Variants in ARHGEF10 observed in about 807,000 individuals in gnomAD.
The protein encoded by ARHGEF10 is Rho guanine nucleotide exchange factor (GEF) 10.
Under a neutral mutation model 147.4 loss-of-function variants are expected in ARHGEF10, and 140 were observed. The observed-to-expected ratio is 0.95, with a 90% CI of 0.83 to 1.09. The LOEUF is 1.09. Among genes scored for constraint, ARHGEF10 ranks in the 50% least tolerant of loss-of-function variants. The pLI is 0.00. For missense variants in ARHGEF10, 2,222 were observed against 1,752.7 expected, an observed-to-expected ratio of 1.27 and a Z score of -4.78; for synonymous variants, 902 against 695.8, an observed-to-expected ratio of 1.30 and a Z score of -4.67.
chr8:1,938,056 G>C (rs945764046), intron 26 of ARHGEF10, among the ~76,000 whole-genome samples: 9 of 152,202 alleles, frequency 5.9e-5, no homozygotes, highest in African/African-American at 1.7e-4. Flanking sequence ...GCACCCACCT[G>C]TCTGTCAGGG....
At chr8:1,871,664 A>G (rs1807139150) in intron 7 of ARHGEF10, among the ~76,000 whole-genome samples, 1 of 152,122 alleles carries the variant, frequency 6.6e-6, no homozygotes, top group Non-Finnish European at 1.5e-5. Context: ...CTAAAAGTAC[A>G]AAAATTAGCC....
chr8:1,898,904 A>G lies in ARHGEF10; in HGVS notation c.1650+379A>G, dbSNP rs1339898692. ...TCTCCAGTGTGTCTGTGTCTGGTCT[A>G]GGATCACATGAAAAATGATTCTCGC... On this transcript the variant is annotated intron_variant, in intron 15 of 28. Transcript: ENST00000349830. Among the ~76,000 whole-genome samples, 3 of 152,334 alleles carry G rather than the reference A, an allele frequency of 2.0e-5. No homozygotes were observed. In the East Asian group the frequency reaches 5.8e-4, roughly 30 times the overall value.
At chr8:1,882,191 G>C (rs1808258244) in intron 9 of ARHGEF10, among the ~76,000 whole-genome samples, 3 of 152,232 alleles carry the variant, frequency 2.0e-5, no homozygotes, top group Non-Finnish European at 4.4e-5. Context: ...CCATGCGTGT[G>C]AGGCGGCCCT....
At chr8:1,873,935 A>G (rs1807411034) in intron 7 of ARHGEF10, among the ~76,000 whole-genome samples, 1 of 152,038 alleles carries the variant, frequency 6.6e-6, no homozygotes, top group Non-Finnish European at 1.5e-5. Context: ...ACTGAGTGGC[A>G]TTAGGTACGC....
At chr8:1,874,001 C>A (rs1807418219) in intron 7 of ARHGEF10, among the ~76,000 whole-genome samples, 1 of 152,126 alleles carries the variant, frequency 6.6e-6, no homozygotes, top group Non-Finnish European at 1.5e-5. Flanking sequence ...GGGCTAAGGG[C>A]CAACGACAAG....
chr8:1,926,336 C>G (rs775633761), intron 22 of ARHGEF10, 41 bp from the exon 23 acceptor site: 1 of 1,538,826 alleles, frequency 6.5e-7, no homozygotes, highest in Non-Finnish European at 9.0e-7. Context: ...AGCCTCTTAG[C>G]TCTGTTTTAT....
chr8:1,909,149 T>C (rs1811153631), intron 17 of ARHGEF10, 146 bp from the exon 18 acceptor site: 1 of 1,216,786 alleles, frequency 8.2e-7, no homozygotes, highest in Non-Finnish European at 1.2e-6. Flanking sequence ...AGTAAGAAAG[T>C]CAGAAGCACA....
At chr8:1,919,231 G>T (rs1445029419) in intron 18 of ARHGEF10, among the ~76,000 whole-genome samples, 1 of 147,520 alleles carries the variant, frequency 6.8e-6, no homozygotes, top group Non-Finnish European at 1.5e-5. Context: ...GGGTGATGGA[G>T]CTGTTCTGTC....
At chr8:1,953,645 A>C (rs983199963) in intron 28 of ARHGEF10, among the ~76,000 whole-genome samples, 1 of 88,308 alleles carries the variant, frequency 1.1e-5, no homozygotes, top group African/African-American at 4.1e-5. Context: ...TAACAGCACG[A>C]AACAGGAGGT....
At chr8:1,830,850 G>A (rs982107372) in intron 1 of ARHGEF10, among the ~76,000 whole-genome samples, 3 of 152,236 alleles carry the variant, frequency 2.0e-5, no homozygotes, top group Admixed American at 6.5e-5. Flanking sequence ...CAGGCGAGGC[G>A]CCAAGAGAAT....
Position 1,923,870 on chromosome 8 carries a change from C to G in ARHGEF10, c.2484C>G (p.Ala828=). ...ACAGCTTACAGATGGCCAAGCTCGC[C>G]CTAGGTAAGGCCTGGCTGGCTGAGG... ...WVNSLQMAKL[A]LEEENHMGWF... Residue 828 remains alanine, a synonymous_variant, in exon 21 of 29, where the codon GCC becomes GCG. Coordinates refer to ENST00000349830, the MANE Select transcript of ARHGEF10 (RefSeq NM_014629.4). 6.2e-7 allele frequency: 1 copy of G among 1,614,014 alleles called. No individual in the cohort carries two copies. The highest frequency in any genetic ancestry group is 8.5e-7 in the Non-Finnish European group (1 of 1,179,954).
chr8:1,862,923 C>T (rs1367580357), intron 4 of ARHGEF10, among the ~76,000 whole-genome samples: 3 of 151,666 alleles, frequency 2.0e-5, no homozygotes, highest in East Asian at 1.9e-4. Context: ...GGACTACAGG[C>T]GCCCGCCACC....
intron 11 of ARHGEF10, among the ~76,000 whole-genome samples, chr8:1,892,325 GTGTT>G (rs1483268899): frequency 7.1e-4 from 94 of 132,800 alleles, no homozygotes; most frequent in African/African-American, 2.4e-3. Context: ...GTGTGTGTGT[GTGTT>G]TAATCCCAGC....
chr8:1,846,973 C>G (rs1404070925), intron 2 of ARHGEF10, among the ~76,000 whole-genome samples: 2 of 152,210 alleles, frequency 1.3e-5, no homozygotes, highest in Non-Finnish European at 2.9e-5. Flanking sequence ...AAGTGTCCTC[C>G]TCAGTGGCTG....
chr8:1,824,446 C>G (rs146695317), intron 1 of ARHGEF10, among the ~76,000 whole-genome samples: 1 of 151,902 alleles, frequency 6.6e-6, no homozygotes, highest in African/African-American at 2.4e-5. Context: ...CCTGGGGGGT[C>G]GTGCAGTAAC....
chr8:1,876,591 G>T lies in ARHGEF10; in HGVS notation c.700G>T (p.Val234Phe). ...CTCAGATGAAATGATTTATGATGAT[G>T]TTGAGAATGGGGATGAAGGTGGAAA... ...SEPDEMIYDDVENGDEGGNSS... is the reference protein window; with the variant it reads ...SEPDEMIYDDFENGDEGGNSS... Residue 234 changes from valine (V) to phenylalanine (F), a missense_variant, in exon 8 of 29, where the codon GTT becomes TTT. Coordinates refer to ENST00000349830, the MANE Select transcript of ARHGEF10 (RefSeq NM_014629.4). 1 of 1,614,218 alleles carries T rather than the reference G, an allele frequency of 6.2e-7. No homozygotes were observed. Among genetic ancestry groups the T allele is most frequent in the Non-Finnish European group, 8.5e-7 (1 of 1,180,026 alleles).
chr8:1,850,144 TG>T (rs1563174320), intron 2 of ARHGEF10, among the ~76,000 whole-genome samples: 365 of 20,858 alleles, frequency 0.017, 44 homozygotes, highest in Admixed American at 0.029. Flanking sequence ...CTGAGGAGGG[TG>T]TGGGGCGGCC....
intron 1 of ARHGEF10, among the ~76,000 whole-genome samples, chr8:1,840,887 C>T (rs956078736): frequency 1.3e-5 from 2 of 152,194 alleles, no homozygotes; most frequent in African/African-American, 2.4e-5. Flanking sequence ...AGGGTGGGCC[C>T]CTACCGCCTC....
intron 2 of ARHGEF10, among the ~76,000 whole-genome samples, chr8:1,845,425 CAT>C (rs1343294937): frequency 6.6e-6 from 1 of 152,212 alleles, no homozygotes; most frequent in East Asian, 1.9e-4. Context: ...TTCCCACACA[CAT>C]GTAAGATGGC....
Sources: allele counts gnomAD v4.1 joint callset (sites outside exome capture counted in the v4.1 genomes callset), GRCh38; gene constraint gnomAD v4.1.1; transcripts MANE v1.5; gene names NCBI Gene and HGNC (gene_info 2026-07-23, HGNC 2026-07-21).